PPARD: variants seen among roughly 807,000 people sequenced by gnomAD.
The protein encoded by PPARD is peroxisome proliferator-activated receptor delta.
In PPARD, 6 loss-of-function variants were observed where a neutral mutation model predicts 39.5. The observed-to-expected ratio is 0.15, with a 90% confidence interval of 0.08 to 0.30. The LOEUF (loss-of-function observed/expected upper bound fraction) is 0.30, where lower values mean the gene tolerates loss of function less well. Among genes scored for constraint, PPARD ranks in the 10% least tolerant of loss-of-function variants. PPARD has a pLI of 1.00. For missense variants in PPARD, 397 were observed against 596.8 expected (o/e 0.67, Z 3.49); for synonymous variants, 210 against 231.3 (o/e 0.91, Z 0.83).
In PPARD at chr6:35,401,671, C is replaced by T. The variant is rs1186378268; in HGVS notation, c.-101-9316C>T. 2.6e-5 allele frequency among the ~76,000 whole-genome samples: 4 copies of T among 152,206 alleles called. No individual in the cohort carries two copies. The highest frequency in any genetic ancestry group is 5.9e-5 in the Non-Finnish European group (4 of 68,048). Reference sequence around the variant, plus strand: ...AGGCTACGTAAGGTCCTCAGGAAAGCGTCTCCTGGCCACTCGCACCTGACT... The same window carrying T: ...AGGCTACGTAAGGTCCTCAGGAAAGTGTCTCCTGGCCACTCGCACCTGACT... On this transcript the variant is annotated intron_variant, in intron 2 of 7. Coordinates refer to ENST00000360694, the MANE Select transcript of PPARD (RefSeq NM_006238.5). The surrounding 1 kb of genome is among the most constrained non-coding windows in gnomAD (Gnocchi z 4.1).
chr6:35,410,889 C>T, intron 2 of PPARD, 98 bp from the exon 3 acceptor site: 2 of 1,236,070 alleles, frequency 1.6e-6, no homozygotes, highest in Non-Finnish European at 2.0e-6. Flanking sequence ...GCAGAAGAAC[C>T]CCCTCCATGA....
intron 2 of PPARD, among the ~76,000 whole-genome samples, chr6:35,377,224 T>C (rs960404633): frequency 6.6e-6 from 1 of 152,164 alleles, no homozygotes; most frequent in Non-Finnish European, 1.5e-5. Flanking sequence ...TCAGTTCCAC[T>C]CACTGTTTAT....
chr6:35,362,795 G>C (rs1761996135), intron 2 of PPARD, among the ~76,000 whole-genome samples: 1 of 152,140 alleles, frequency 6.6e-6, no homozygotes, highest in African/African-American at 2.4e-5. Context: ...CCAGACATAG[G>C]GGAGAAGAAA....
At chr6:35,415,959 G>A (rs896519185) in intron 3 of PPARD, among the ~76,000 whole-genome samples, 1 of 152,190 alleles carries the variant, frequency 6.6e-6, no homozygotes, top group African/African-American at 2.4e-5. Flanking sequence ...GTTCCACAGT[G>A]GGGCCACGGT....
At chr6:35,376,235 G>T (rs1373446415) in intron 2 of PPARD, among the ~76,000 whole-genome samples, 1 of 152,108 alleles carries the variant, frequency 6.6e-6, no homozygotes, top group African/African-American at 2.4e-5. Flanking sequence ...TTAAGTTCTG[G>T]AAAATTTCAG....
At chr6:35,384,086 T>C (rs1330976216) in intron 2 of PPARD, among the ~76,000 whole-genome samples, 1 of 118,044 alleles carries the variant, frequency 8.5e-6, no homozygotes, top group African/African-American at 3.4e-5. Flanking sequence ...GGGAGGGAGG[T>C]CGGGGCGTCA....
chr6:35,384,068 C>G (rs1361481423), intron 2 of PPARD, among the ~76,000 whole-genome samples: 4 of 147,222 alleles, frequency 2.7e-5, no homozygotes, highest in African/African-American at 1.0e-4. Context: ...AGGCCAGCCG[C>G]CCCGTCCGGG....
At chr6:35,373,211 A>G (rs1762596419) in intron 2 of PPARD, among the ~76,000 whole-genome samples, 1 of 152,168 alleles carries the variant, frequency 6.6e-6, no homozygotes, top group Admixed American at 6.5e-5. Flanking sequence ...ATACCGTTGT[A>G]TTGGGGATTA....
intron 2 of PPARD, among the ~76,000 whole-genome samples, chr6:35,359,728 T>A (rs918332892): frequency 6.6e-6 from 1 of 152,206 alleles, no homozygotes; most frequent in Non-Finnish European, 1.5e-5. Flanking sequence ...GGCTCCCACA[T>A]GTTGAATGCA....
intron 2 of PPARD, among the ~76,000 whole-genome samples, chr6:35,392,781 A>G (rs1198605100): frequency 6.6e-6 from 1 of 151,972 alleles, no homozygotes; most frequent in Non-Finnish European, 1.5e-5. Flanking sequence ...TGCTCTGGTG[A>G]CCCACCAGCA....
At chr6:35,406,658 G>A (rs142427479) in intron 2 of PPARD, among the ~76,000 whole-genome samples, 9 of 152,276 alleles carry the variant, frequency 5.9e-5, no homozygotes, top group East Asian at 1.9e-4. Flanking sequence ...AGATGTCAGC[G>A]TGGGAACTAG....
intron 2 of PPARD, among the ~76,000 whole-genome samples, chr6:35,359,932 A>G (rs1469065243): frequency 2.0e-5 from 3 of 152,168 alleles, no homozygotes; most frequent in Non-Finnish European, 2.9e-5. Context: ...TGATCACTAC[A>G]TAGCAGGGCC....
intron 2 of PPARD, among the ~76,000 whole-genome samples, chr6:35,388,492 A>G (rs1763814291): frequency 6.6e-6 from 1 of 152,026 alleles, no homozygotes; most frequent in Admixed American, 6.5e-5. Flanking sequence ...TGTGCAGATC[A>G]CTTGAGGTCA....
intron 3 of PPARD, among the ~76,000 whole-genome samples, chr6:35,417,864 G>A (rs889217748): frequency 6.6e-6 from 1 of 152,218 alleles, no homozygotes; most frequent in South Asian, 2.1e-4. Context: ...AGCTATTTGA[G>A]GATAGAGTCT....
chr6:35,345,305 A>G (rs1792104235), intron 1 of PPARD, among the ~76,000 whole-genome samples: 1 of 152,002 alleles, frequency 6.6e-6, no homozygotes, highest in Admixed American at 6.6e-5. Flanking sequence ...TTCTTTTCTG[A>G]CACAAGGTTT....
chr6:35,356,708 C>A (rs945952003), intron 2 of PPARD, among the ~76,000 whole-genome samples: 7 of 152,274 alleles, frequency 4.6e-5, no homozygotes, highest in African/African-American at 1.7e-4. Flanking sequence ...GCTGTAAAAC[C>A]CAAATGTCTG....
rs771811061 is a variant in PPARD, at chr6:35,401,493, T to C, written c.-101-9494T>C. Among the ~76,000 whole-genome samples the C allele has an allele frequency of 6.6e-6, 1 of 152,114 alleles. No individual in the cohort carries two copies. Among genetic ancestry groups the C allele is most frequent in the Non-Finnish European group, 1.5e-5 (1 of 68,024 alleles). ...GGCTCTCTGCTCCTCCCAGAATAAA[T>C]ACCCACATCCTCAGCTTACCCTTCA... On this transcript the variant is annotated intron_variant, in intron 2 of 7. Transcript: ENST00000360694. This position sits in a 1 kb window ranked among gnomAD's most constrained non-coding sequence, Gnocchi z 4.1.
chr6:35,351,260 C>T (rs533064163), intron 2 of PPARD, among the ~76,000 whole-genome samples: 2 of 151,154 alleles, frequency 1.3e-5, no homozygotes, highest in South Asian at 2.1e-4. Context: ...CTCCTGACCT[C>T]GTGATTCACC....
At position 35,388,200 on chromosome 6, in the gene PPARD, G is replaced by A. The variant is rs953128091; in HGVS notation, c.-101-22787G>A. On this transcript the variant is annotated intron_variant, in intron 2 of 7. Transcript: ENST00000360694. ...GATACTCTGCAAACAAGGAGGAAGT[G>A]AGAGGAGTTGGGGCTCATTTAATGC... 2.0e-5 allele frequency among the ~76,000 whole-genome samples: 3 copies of A among 152,132 alleles called. No homozygotes were observed. In the East Asian group the frequency reaches 5.8e-4, roughly 29 times the overall value.
Sources: allele counts gnomAD v4.1 joint callset (sites outside exome capture counted in the v4.1 genomes callset), GRCh38; gene constraint gnomAD v4.1.1; non-coding constraint Gnocchi (gnomAD v3.1); transcripts MANE v1.5; gene names NCBI Gene and HGNC (gene_info 2026-07-23, HGNC 2026-07-21).